EPB41L1: variants seen among roughly 807,000 people sequenced by gnomAD.
The protein encoded by EPB41L1 is band 4.1-like protein 1.
A neutral mutation model predicts 97.8 loss-of-function variants in EPB41L1; 29 were observed. That is an observed-to-expected ratio of 0.30 (90% CI 0.22 to 0.40). EPB41L1 has a LOEUF of 0.40. Ranked by LOEUF, EPB41L1 falls within the 10% of genes least tolerant of loss-of-function variation. EPB41L1 has a pLI of 1.00. For synonymous variants in EPB41L1, 383 were observed against 459.2 expected (o/e 0.83, Z 2.12); for missense variants, 812 against 1,162.3 (o/e 0.70, Z 4.38).
At chr20:36,182,483 C>A in intron 6 of EPB41L1, 136 bp downstream of exon 6, 1 of 907,758 alleles carries the variant, frequency 1.1e-6, no homozygotes, top group Non-Finnish European at 1.8e-6. Context: ...CAGACAGCAT[C>A]GTACACAGGA....
intron 2 of EPB41L1, among the ~76,000 whole-genome samples, chr20:36,144,145 G>A (rs1600562011): frequency 6.6e-6 from 1 of 152,084 alleles, no homozygotes; most frequent in Non-Finnish European, 1.5e-5. Flanking sequence ...CAGCCACTGC[G>A]CCCAGCCCCC....
intron 1 of EPB41L1, among the ~76,000 whole-genome samples, chr20:36,095,751 T>A (rs186892815): frequency 1.2e-3 from 189 of 152,308 alleles, no homozygotes; most frequent in African/African-American, 4.3e-3. Context: ...TTGTTAGAAA[T>A]GCAATTTATT....
rs148840046 is a variant in EPB41L1, at chr20:36,193,103, A to G, written c.1301-1109A>G. Among the ~76,000 whole-genome samples the G allele has an allele frequency of 4.8e-3, 730 of 152,292 alleles. 5 individuals are homozygous for G. The highest frequency in any genetic ancestry group is 0.017 in the African/African-American group (686 of 41,548). ...GAAAGGTCCCTCCCCTGTAGCTTCC[A>G]TTACTATGTCAGGAGCCAAATGAAG... On this transcript the variant is annotated intron_variant, in intron 11 of 21. Transcript: ENST00000338074.
rs764458051 is a variant in EPB41L1 at position 36,182,350 on chromosome 20, G to A, written c.566+3G>A. ...CAGCTGACAGAAGACATCACAAGGT[G>A]AGGGCTGTGGAGGGAGAGACAGGTG... On this transcript the variant is annotated splice_donor_region_variant and intron_variant, in intron 6 of 21. Coordinates refer to ENST00000338074, the MANE Select transcript of EPB41L1 (RefSeq NM_012156.2). The A allele has an allele frequency of 6.2e-7, 1 of 1,613,982 alleles. No homozygotes were observed. The highest frequency in any genetic ancestry group is 1.1e-5 in the South Asian group (1 of 91,080).
At chr20:36,192,205 A>T (rs892885565) in intron 11 of EPB41L1, among the ~76,000 whole-genome samples, 2 of 151,814 alleles carry the variant, frequency 1.3e-5, no homozygotes, top group East Asian at 3.9e-4. Flanking sequence ...TGGGCAACAA[A>T]GCGAGACTCC....
upstream of EPB41L1, chr20:36,153,084 C>T (rs143343754): frequency 3.8e-4 from 175 of 456,706 alleles, no homozygotes; most frequent in African/African-American, 3.4e-3. Context: ...TGTCTAAAGA[C>T]ACCTGATGAA....
rs2063206515 is a variant in EPB41L1, at chr20:36,212,739, G to GT, written c.2184+364dup. On this transcript the variant is annotated intron_variant, in intron 16 of 21. Coordinates refer to ENST00000338074, the MANE Select transcript of EPB41L1 (RefSeq NM_012156.2). This position sits in a 1 kb window ranked among gnomAD's most constrained non-coding sequence, Gnocchi z 4.8. ...GGAGGAGTTGGAGAGGTTTCTTGAG[G>GT]TATCTCAGGGGCTGCTTGAGGAGAG... Among the ~76,000 whole-genome samples the GT allele has an allele frequency of 6.6e-6, 1 of 152,232 alleles. No individual in the cohort carries two copies. The highest frequency in any genetic ancestry group is 1.5e-5 in the Non-Finnish European group (1 of 68,044).
rs561883036 is a variant in EPB41L1, at chr20:36,171,691, C to G, written c.-14-2073C>G. Among the ~76,000 whole-genome samples the G allele has an allele frequency of 5.9e-5, 9 of 152,208 alleles. No homozygotes were observed. In the East Asian group the frequency reaches 1.4e-3, roughly 23 times the overall value. ...TCTTGGCTTTGGGCTGGGCTGATGT[C>G]CACTGAGATGCAGGGAGAAAAACTG... On this transcript the variant is annotated intron_variant, in intron 1 of 21. Transcript: ENST00000338074.
intron 2 of EPB41L1, among the ~76,000 whole-genome samples, chr20:36,117,295 G>A (rs1018584644): frequency 3.3e-5 from 5 of 152,260 alleles, no homozygotes; most frequent in East Asian, 1.9e-4. Context: ...TGTTGCCCAC[G>A]TAAGGTCCAG....
intron 2 of EPB41L1, among the ~76,000 whole-genome samples, chr20:36,140,021 T>A (rs1490014113): frequency 7.1e-6 from 1 of 140,062 alleles, no homozygotes; most frequent in Non-Finnish European, 1.6e-5. Flanking sequence ...TGAGCCACCG[T>A]GCCCGGCCTA....
At chr20:36,187,360 T>C (rs571785884) in intron 7 of EPB41L1, among the ~76,000 whole-genome samples, 3 of 152,200 alleles carry the variant, frequency 2.0e-5, no homozygotes, top group Non-Finnish European at 2.9e-5. Flanking sequence ...TTTACAGTCA[T>C]GGAAAAGTAG....
chr20:36,214,513 C>T, intron 17 of EPB41L1, 73 bp downstream of exon 17: 1 of 1,252,418 alleles, frequency 8.0e-7, no homozygotes, highest in Non-Finnish European at 1.1e-6. Flanking sequence ...AACAAGCTAA[C>T]ATCGCCTGGC....
At chr20:36,114,581 T>G (rs2058526429) in intron 2 of EPB41L1, among the ~76,000 whole-genome samples, 1 of 152,154 alleles carries the variant, frequency 6.6e-6, no homozygotes, top group South Asian at 2.1e-4. Context: ...TGACAAAAAC[T>G]TAACTCAAAG....
rs751080883 is a variant in EPB41L1 at position 36,221,823 on chromosome 20, A to G, written c.2440-41A>G. 13 of 1,595,488 alleles carry G rather than the reference A, an allele frequency of 8.1e-6. No individual in the cohort carries two copies. The African/African-American group carries it at 1.6e-4, about 20-fold the overall frequency. On this transcript the variant is annotated intron_variant, in intron 19 of 21. Coordinates refer to ENST00000338074, the MANE Select transcript of EPB41L1 (RefSeq NM_012156.2). ...GTCCCCTCTTGAGGCTGCTGCCCCA[A>G]CAGGACCCAAGAGTGACCTCACCTC...
At position 36,207,737 on chromosome 20, in the gene EPB41L1, A is replaced by T; in HGVS notation, c.1669-1751A>T. 1 of 1,289,938 alleles carries T rather than the reference A, an allele frequency of 7.8e-7. No individual in the cohort carries two copies. Among genetic ancestry groups the T allele is most frequent in the Non-Finnish European group, 1.0e-6 (1 of 988,878 alleles). The allele number at this position is 1,289,938 out of a possible 1,614,324, so 79.9% of individuals were successfully genotyped here. A position where few individuals can be genotyped will look rare whatever the true frequency, so the allele number is the denominator to read the frequency against. ...ACGGAACTAGAGCCCGTGTCCCCCA[A>T]TTCAGGCTGTGAAACCACGCTGGCA... On this transcript the variant is annotated intron_variant, in intron 14 of 21. Coordinates refer to ENST00000338074, the MANE Select transcript of EPB41L1 (RefSeq NM_012156.2). The surrounding 1 kb of genome is among the most constrained non-coding windows in gnomAD (Gnocchi z 4.9).
chr20:36,152,997 G>T (rs778436994), upstream of EPB41L1: 26 of 456,584 alleles, frequency 5.7e-5, no homozygotes, highest in Non-Finnish European at 1.0e-4. Flanking sequence ...ACTGGGAGAA[G>T]CTGGCTTCAT....
At position 36,212,970 on chromosome 20, in the gene EPB41L1, C is replaced by T. The variant is rs1254419877; in HGVS notation, c.2184+594C>T. On this transcript the variant is annotated intron_variant, in intron 16 of 21. Transcript: ENST00000338074. This position sits in a 1 kb window ranked among gnomAD's most constrained non-coding sequence, Gnocchi z 4.8. The stretch of plus-strand genomic sequence containing the variant: ...CAGGCCCACGACTTCCAGTCCATTC[C>T]CTGCACTCCTTCCATGCTTTTTAAA... Among the ~76,000 whole-genome samples, 1 of 152,190 alleles carries T rather than the reference C, an allele frequency of 6.6e-6. No individual in the cohort carries two copies. Among genetic ancestry groups the T allele is most frequent in the South Asian group, 2.1e-4 (1 of 4,832 alleles).
Position 36,187,770 on chromosome 20 carries a change from C to A in EPB41L1, c.873+7C>A. 6.2e-7 allele frequency: 1 copy of A among 1,613,162 alleles called. No individual in the cohort carries two copies. The highest frequency in any genetic ancestry group is 8.5e-7 in the Non-Finnish European group (1 of 1,179,474). Reference sequence around the variant, plus strand: ...AGACCTGCACCATGCCAAGGTACCACCAGCTTCCTGGGTTCCCCTAGTGTC... The same window carrying A: ...AGACCTGCACCATGCCAAGGTACCAACAGCTTCCTGGGTTCCCCTAGTGTC... On this transcript the variant is annotated splice_region_variant and intron_variant, in intron 8 of 21. Coordinates refer to ENST00000338074, the MANE Select transcript of EPB41L1 (RefSeq NM_012156.2).
At chr20:36,203,965 G>C (rs2062648932) in intron 14 of EPB41L1, among the ~76,000 whole-genome samples, 1 of 152,140 alleles carries the variant, frequency 6.6e-6, no homozygotes, top group South Asian at 2.1e-4. Flanking sequence ...TCCTCACCAA[G>C]TCATAACCTG....
Sources: allele counts gnomAD v4.1 joint callset (sites outside exome capture counted in the v4.1 genomes callset), GRCh38; gene constraint gnomAD v4.1.1; non-coding constraint Gnocchi (gnomAD v3.1); transcripts MANE v1.5; gene names NCBI Gene and HGNC (gene_info 2026-07-23, HGNC 2026-07-21).